ERC2: variants seen among roughly 807,000 people sequenced by gnomAD.
ERC2 encodes the protein ELKS/RAB6-interacting/CAST family member 2.
ERC2 carries 42 observed loss-of-function variants against 114.8 expected under a neutral mutation model. The observed-to-expected ratio is 0.37, with a 90% CI of 0.29 to 0.47. ERC2 has a LOEUF of 0.47. ERC2 is among the 20% of genes least tolerant of loss of function. The pLI is 0.99. For synonymous variants in ERC2, 454 were observed against 425.5 expected, an observed-to-expected ratio of 1.07 and a Z score of -0.82; for missense variants, 939 against 1,150.7, an observed-to-expected ratio of 0.82 and a Z score of 2.66.
chr3:55,918,068 T>C (rs2065207313), intron 13 of ERC2, among the ~76,000 whole-genome samples: 1 of 152,118 alleles, frequency 6.6e-6, no homozygotes, highest in Non-Finnish European at 1.5e-5. Context: ...AGAGTCCCAG[T>C]ATATCTTCTA....
At chr3:56,039,563 C>T (rs1484582501) in intron 7 of ERC2, among the ~76,000 whole-genome samples, 2 of 152,076 alleles carry the variant, frequency 1.3e-5, no homozygotes, top group African/African-American at 4.8e-5. Flanking sequence ...CTTAAATCTC[C>T]ATACTACCCA....
chr3:55,861,317 G>T (rs113665247), intron 14 of ERC2, among the ~76,000 whole-genome samples: 1 of 152,146 alleles, frequency 6.6e-6, no homozygotes, highest in African/African-American at 2.4e-5. Flanking sequence ...GGAAGCCAGC[G>T]CAGCTGGTTG....
At position 55,565,393 on chromosome 3, in the gene ERC2, C is replaced by T. The variant is rs529154253; in HGVS notation, c.*40-54117G>A. Among the ~76,000 whole-genome samples, 11 of 152,194 alleles carry T rather than the reference C, an allele frequency of 7.2e-5. No homozygotes were observed. The South Asian group carries it at 1.2e-3, about 17-fold the overall frequency. On this transcript the variant is annotated intron_variant, in intron 17 of 17. Transcript: ENST00000288221. ...TCTAAGTTAAGAACATAGTGGCTGA[C>T]GGGTACTGGAAGCCTGCTGGGAAGA...
At chr3:56,390,999 T>C (rs1335427195) in intron 2 of ERC2, among the ~76,000 whole-genome samples, 6 of 152,218 alleles carry the variant, frequency 3.9e-5, no homozygotes, top group Admixed American at 2.0e-4. Flanking sequence ...CATGTCAGAC[T>C]GATCCCTGAG....
In ERC2 at chr3:55,846,693, T is replaced by TTCTCTCTCTC. The variant is rs34647203; in HGVS notation, c.2564+41686_2564+41695dup. ...ATTCTCTCTCTCTCTCTCTCTCTCT[T>TTCTCTCTCTC]TCTCTCTCTCTCTCTCTCTCTCTCT... On this transcript the variant is annotated intron_variant, in intron 14 of 17. Transcript: ENST00000288221. Among the ~76,000 whole-genome samples, 158 of 142,910 alleles carry TTCTCTCTCTC rather than the reference T, an allele frequency of 1.1e-3. 1 individual carries two copies. The highest frequency in any genetic ancestry group is 3.9e-3 in the African/African-American group (147 of 37,900). The allele number at this position is 142,910 out of a possible 152,430, so 93.8% of individuals were successfully genotyped here.
chr3:55,834,969 C>T (rs2060803192), intron 14 of ERC2, among the ~76,000 whole-genome samples: 1 of 151,054 alleles, frequency 6.6e-6, no homozygotes, highest in Non-Finnish European at 1.5e-5. Context: ...ATACTACAAA[C>T]ACCTCTACGC....
At chr3:55,682,283 A>G (rs563995654) in intron 17 of ERC2, among the ~76,000 whole-genome samples, 22 of 152,314 alleles carry the variant, frequency 1.4e-4, no homozygotes, top group African/African-American at 5.1e-4. Flanking sequence ...GCTTTCCTGC[A>G]GAATGACTTT....
rs542658032 is a variant in ERC2 at position 56,021,459 on chromosome 3, CAT to C, written c.1642-2430_1642-2429del. Reference sequence around the variant, plus strand: ...ACATAAAAATAATAAATACTATACACATGAGTAAATAATAATTTAATAAATAA... The same window carrying C: ...ACATAAAAATAATAAATACTATACACGAGTAAATAATAATTTAATAAATAA... On this transcript the variant is annotated intron_variant, in intron 7 of 17. Transcript: ENST00000288221. Among the ~76,000 whole-genome samples, 12 of 152,152 alleles carry C rather than the reference CAT, an allele frequency of 7.9e-5. No individual in the cohort carries two copies. The South Asian group carries it at 2.1e-3, about 26-fold the overall frequency.
chr3:56,431,770 C>G (rs2061802481), intron 2 of ERC2, among the ~76,000 whole-genome samples: 1 of 152,180 alleles, frequency 6.6e-6, no homozygotes, highest in African/African-American at 2.4e-5. Context: ...CTCTGCGCTT[C>G]TTCCTCATTT....
intron 3 of ERC2, among the ~76,000 whole-genome samples, chr3:56,246,517 T>C (rs1310824964): frequency 6.6e-6 from 1 of 152,160 alleles, no homozygotes; most frequent in African/African-American, 2.4e-5. Context: ...GGTTTACAGT[T>C]AGCCATCCAC....
chr3:55,602,684 C>T (rs933659010), intron 17 of ERC2, among the ~76,000 whole-genome samples: 4 of 152,096 alleles, frequency 2.6e-5, no homozygotes, highest in Non-Finnish European at 5.9e-5. Flanking sequence ...GACATTTTCC[C>T]TTGCCCCCCT....
chr3:56,411,819 C>G (rs2060950926), intron 2 of ERC2, among the ~76,000 whole-genome samples: 1 of 152,170 alleles, frequency 6.6e-6, no homozygotes, highest in Non-Finnish European at 1.5e-5. Flanking sequence ...TTCTTAACCA[C>G]TGCACCAAAC....
intron 1 of ERC2, among the ~76,000 whole-genome samples, chr3:56,450,844 A>C (rs985793717): frequency 6.6e-6 from 1 of 152,196 alleles, no homozygotes; most frequent in Non-Finnish European, 1.5e-5. Flanking sequence ...AAAAATAAAT[A>C]AATTTTAAAA....
chr3:55,840,697 T>G (rs1451870341), intron 14 of ERC2, among the ~76,000 whole-genome samples: 1 of 152,134 alleles, frequency 6.6e-6, no homozygotes, highest in Non-Finnish European at 1.5e-5. Context: ...ATAGTTATTT[T>G]ATTTAAAATA....
Position 55,952,177 on chromosome 3 carries a change from ACACT to A in ERC2, c.2268-1621_2268-1618del, listed in dbSNP as rs1193142161. 2.1e-3 allele frequency among the ~76,000 whole-genome samples: 81 copies of A among 38,690 alleles called. 5 individuals are homozygous for A. Among genetic ancestry groups the A allele is most frequent in the Non-Finnish European group, 3.1e-3 (49 of 15,780 alleles). The allele number at this position is 38,690 out of a possible 152,430, so 25.4% of individuals were successfully genotyped here. On this transcript the variant is annotated intron_variant, in intron 12 of 17. Transcript: ENST00000288221. ...CACACACACACACACACACACACAC[ACACT>A]CTCTCTCTCTCTCTCTCTATATATA...
chr3:56,367,463 C>A (rs554579906), intron 2 of ERC2, among the ~76,000 whole-genome samples: 3 of 151,730 alleles, frequency 2.0e-5, no homozygotes. Flanking sequence ...TCCTTCTGCA[C>A]CTCTCTCAAC....
intron 3 of ERC2, among the ~76,000 whole-genome samples, chr3:56,256,293 T>C (rs2052512484): frequency 6.6e-6 from 1 of 152,206 alleles, no homozygotes; most frequent in African/African-American, 2.4e-5. Flanking sequence ...TAAGTGCTCA[T>C]TTCCAACAGG....
At chr3:55,903,458 C>T (rs2064256086) in intron 13 of ERC2, among the ~76,000 whole-genome samples, 1 of 152,152 alleles carries the variant, frequency 6.6e-6, no homozygotes, top group African/African-American at 2.4e-5. Context: ...GGGACTTTTT[C>T]TTTCTTGTAC....
intron 14 of ERC2, among the ~76,000 whole-genome samples, chr3:55,875,975 G>A (rs1348443386): frequency 6.6e-6 from 1 of 152,156 alleles, no homozygotes; most frequent in Non-Finnish European, 1.5e-5. Flanking sequence ...AGGACATGGA[G>A]TGGAAGAGAA....
Sources: gnomAD v4.1 joint callset for allele counts (sites outside exome capture counted in the v4.1 genomes callset) on GRCh38, gnomAD v4.1.1 for gene constraint, MANE v1.5 for transcripts, NCBI Gene and HGNC (gene_info 2026-07-23, HGNC 2026-07-21) for gene names.